ABCC1: variants seen among roughly 807,000 people sequenced by gnomAD.
ABCC1 encodes multidrug resistance-associated protein 1.
ABCC1 carries 83 observed loss-of-function variants against 172.9 expected under a neutral mutation model. The ratio of observed to expected loss-of-function variants is 0.48; its 90% CI spans 0.40 to 0.58. ABCC1 has a LOEUF of 0.58. Among genes scored for constraint, ABCC1 ranks in the 20% least tolerant of loss-of-function variants. The pLI, the probability that ABCC1 is intolerant of heterozygous loss-of-function variation, is 0.00. For missense variants in ABCC1, 1,817 were observed against 2,002.7 expected (o/e 0.91, Z 1.77); for synonymous variants, 937 against 825.2 (o/e 1.14, Z -2.32).
intron 5 of ABCC1, among the ~76,000 whole-genome samples, chr16:16,026,114 A>G (rs148619479): frequency 2.0e-5 from 3 of 152,142 alleles, no homozygotes; most frequent in East Asian, 3.9e-4. Flanking sequence ...TTTGTTGTCA[A>G]GTAAGGCCTT....
rs1424724720 is a variant in ABCC1, at chr16:16,142,328, T to G, written c.*1047T>G. 1 of 152,224 alleles carries G rather than the reference T, an allele frequency of 6.6e-6. No individual in the cohort carries two copies. The highest frequency in any genetic ancestry group is 1.5e-5 in the Non-Finnish European group (1 of 68,062). The allele number at this position is 152,224 out of a possible 1,614,324, so 9.4% of individuals were successfully genotyped here. On this transcript the variant is annotated 3_prime_UTR_variant, in exon 31 of 31. Coordinates refer to ENST00000399410, the MANE Select transcript of ABCC1 (RefSeq NM_004996.4). ...TGGTTGCTTACAGTGTTGATTGATT[T>G]TGTTCTTTTTTCTTACCACCTCTTT...
chr16:16,045,121 G>A (rs1378871100), intron 8 of ABCC1, among the ~76,000 whole-genome samples: 3 of 152,016 alleles, frequency 2.0e-5, no homozygotes, highest in African/African-American at 7.2e-5. Flanking sequence ...TGCAACCAGG[G>A]TTGGGCGCAG....
intron 26 of ABCC1, among the ~76,000 whole-genome samples, chr16:16,128,748 C>G (rs1237210763): frequency 6.6e-6 from 1 of 152,184 alleles, no homozygotes; most frequent in African/African-American, 2.4e-5. Flanking sequence ...CCTGCAATCC[C>G]AGCACTTTGA....
intron 1 of ABCC1, among the ~76,000 whole-genome samples, chr16:15,979,472 A>C (rs566924262): frequency 6.6e-5 from 10 of 152,210 alleles, no homozygotes; most frequent in African/African-American, 1.4e-4. Context: ...CGTATAGCCA[A>C]AATGACCCTG....
At chr16:16,075,827 C>G (rs1596465839) in intron 14 of ABCC1, among the ~76,000 whole-genome samples, 1 of 152,134 alleles carries the variant, frequency 6.6e-6, no homozygotes, top group African/African-American at 2.4e-5. Context: ...GACAGAGGAC[C>G]TGGGGAGAAG....
chr16:16,056,271 C>T lies in ABCC1; in HGVS notation c.1653C>T (p.Phe551=). 2 of 1,614,256 alleles carry T rather than the reference C, an allele frequency of 1.2e-6. No homozygotes were observed. The highest frequency in any genetic ancestry group is 8.5e-7 in the Non-Finnish European group (1 of 1,180,044). ...CCTACCTGTCAGCCGTGGGCACCTTCACCTGGGTCTGCACGCCCTTTCTGG... is the reference window on the plus strand; with the variant it reads ...CCTACCTGTCAGCCGTGGGCACCTTTACCTGGGTCTGCACGCCCTTTCTGG... ...KSAYLSAVGT[F]TWVCTPFLVA... is the part of the protein sequence containing the mutation. Residue 551 remains phenylalanine (F), a synonymous_variant, in exon 12 of 31, where the codon TTC becomes TTT. Coordinates refer to ENST00000399410, the MANE Select transcript of ABCC1 (RefSeq NM_004996.4).
chr16:15,989,520 C>T (rs1814650267), intron 1 of ABCC1, among the ~76,000 whole-genome samples: 1 of 152,142 alleles, frequency 6.6e-6, no homozygotes, highest in Admixed American at 6.5e-5. Context: ...AACCACGGGC[C>T]TCTTGCACTC....
intron 1 of ABCC1, among the ~76,000 whole-genome samples, chr16:15,992,955 G>A (rs1466419600): frequency 1.3e-5 from 2 of 151,794 alleles, no homozygotes; most frequent in Admixed American, 1.3e-4. Context: ...TGTGCTTCCC[G>A]AGATCTTTGC....
At chr16:16,087,192 C>T (rs887582583) in intron 18 of ABCC1, among the ~76,000 whole-genome samples, 27 of 152,230 alleles carry the variant, frequency 1.8e-4, no homozygotes, top group Admixed American at 1.4e-3. Flanking sequence ...GTAAGTCCTC[C>T]GCGCAGAGTT....
At chr16:15,952,879 A>G (rs1250698241) in intron 1 of ABCC1, among the ~76,000 whole-genome samples, 1 of 142,014 alleles carries the variant, frequency 7.0e-6, no homozygotes, top group African/African-American at 2.6e-5. Flanking sequence ...AATAATACCA[A>G]AAAAAAAAAA....
intron 28 of ABCC1, among the ~76,000 whole-genome samples, 174 bp from the exon 29 acceptor site, chr16:16,136,304 G>A (rs756473591): frequency 3.9e-5 from 6 of 152,100 alleles, no homozygotes; most frequent in Non-Finnish European, 7.4e-5. Context: ...GATTACAGGC[G>A]TGAACCACCG....
At chr16:15,949,341 T>C (rs1246393087), upstream of ABCC1, among the ~76,000 whole-genome samples, 2 of 151,766 alleles carry the variant, frequency 1.3e-5, no homozygotes, top group East Asian at 3.9e-4. Flanking sequence ...TCGCAGGGTG[T>C]GTGGCCCCAA....
At chr16:15,994,339 C>T (rs1413379171) in intron 1 of ABCC1, among the ~76,000 whole-genome samples, 3 of 152,160 alleles carry the variant, frequency 2.0e-5, no homozygotes, top group Non-Finnish European at 2.9e-5. Context: ...CCTGTTTCTT[C>T]TAGGTTGACG....
At chr16:16,048,006 T>G in intron 9 of ABCC1, 136 bp from the exon 10 acceptor site, 1 of 1,128,614 alleles carries the variant, frequency 8.9e-7, no homozygotes, top group Non-Finnish European at 1.3e-6. Context: ...GGCAGACAGA[T>G]AGGTCGGGAG....
rs1159477247 is a variant in ABCC1, at chr16:16,124,821, A to G, written c.3623A>G (p.Asn1208Ser). Reference sequence around the variant, plus strand: ...GCCGTGCGGCTGGAGTGTGTGGGCAACTGCATCGTTCTGTTTGCTGCCCTG... The same window carrying G: ...GCCGTGCGGCTGGAGTGTGTGGGCAGCTGCATCGTTCTGTTTGCTGCCCTG... The part of the protein sequence containing the change: ...WLAVRLECVG[N>S]CIVLFAALFA... The change falls in exon 25 of 31, where the codon AAC becomes AGC. Residue 1208 changes from asparagine to serine, a missense_variant. Asn to Ser is a conservative substitution (Grantham distance 46). Around this residue, in one of 3 missense-constraint regions of ABCC1, gnomAD observed 1,412 missense variants for 1,600.3 expected, o/e 0.88. Transcript: ENST00000399410. 6.2e-7 allele frequency: 1 copy of G among 1,614,178 alleles called. No individual in the cohort carries two copies. The highest frequency in any genetic ancestry group is 2.2e-5 in the East Asian group (1 of 44,890).
At chr16:16,134,625 CTTTTTTTTTTTTT>C (rs67073334) in intron 28 of ABCC1, 117 bp downstream of exon 28, 10 of 355,526 alleles carry the variant, frequency 2.8e-5, no homozygotes, top group Middle Eastern at 9.0e-4. Context: ...CTTCATCGTT[CTTTTTTTTTTTTT>C]TTTTTTTTTT....
intron 16 of ABCC1, among the ~76,000 whole-genome samples, chr16:16,082,374 G>A (rs2050838021): frequency 6.6e-6 from 1 of 152,180 alleles, no homozygotes; most frequent in Admixed American, 6.5e-5. Context: ...CTTGAGGCCA[G>A]GAGTTTGAGA....
At chr16:16,124,369 ACGCCCGGC>A (rs2045328129) in intron 24 of ABCC1, among the ~76,000 whole-genome samples, 2 of 56,840 alleles carry the variant, frequency 3.5e-5, no homozygotes, top group Admixed American at 1.9e-4. Context: ...GTGACCCACT[ACGCCCGGC>A]TGTGTGTGTG....
chr16:15,992,556 G>A (rs1323233409), intron 1 of ABCC1, among the ~76,000 whole-genome samples: 1 of 152,148 alleles, frequency 6.6e-6, no homozygotes, highest in Admixed American at 6.5e-5. Context: ...CAATGGCACC[G>A]TGCCTGGCTA....
Sources: gnomAD v4.1 joint callset for allele counts (sites outside exome capture counted in the v4.1 genomes callset) on GRCh38, gnomAD v4.1.1 for gene constraint, gnomAD v4.1.1 regional missense constraint, MANE v1.5 for transcripts, NCBI Gene and HGNC (gene_info 2026-07-23, HGNC 2026-07-21) for gene names.